Variants in NKAIN2 observed in about 807,000 individuals in gnomAD.
NKAIN2 encodes sodium/potassium-transporting ATPase subunit beta-1-interacting protein 2.
A neutral mutation model predicts 32.6 loss-of-function variants in NKAIN2; 14 were observed. The observed-to-expected ratio is 0.43, with a 90% confidence interval of 0.28 to 0.67. NKAIN2 has a LOEUF of 0.67. Ranked by LOEUF, NKAIN2 falls within the 30% of genes least tolerant of loss-of-function variation. The probability of loss-of-function intolerance (pLI) is 0.17; values close to 1 mark genes in which losing one functional copy is unlikely to be tolerated. For missense variants in NKAIN2, 198 were observed against 258.3 expected (o/e 0.77, Z 1.60); for synonymous variants, 80 against 87.2 (o/e 0.92, Z 0.46).
At chr6:123,868,212 G>C (rs1046020453) in intron 1 of NKAIN2, among the ~76,000 whole-genome samples, 1 of 152,094 alleles carries the variant, frequency 6.6e-6, no homozygotes, top group Non-Finnish European at 1.5e-5. Context: ...TCCTGCATGA[G>C]GCTCTAAGCT....
intron 1 of NKAIN2, among the ~76,000 whole-genome samples, chr6:123,807,004 C>T (rs1005421433): frequency 6.6e-6 from 1 of 151,936 alleles, no homozygotes; most frequent in Non-Finnish European, 1.5e-5. Context: ...ATTATCAGAC[C>T]AGACACGGTG....
intron 1 of NKAIN2, among the ~76,000 whole-genome samples, chr6:124,274,926 A>C (rs1341188340): frequency 6.6e-6 from 1 of 152,106 alleles, no homozygotes; most frequent in Non-Finnish European, 1.5e-5. Flanking sequence ...AAAACTTGGC[A>C]TGTGGACACA....
intron 1 of NKAIN2, among the ~76,000 whole-genome samples, chr6:123,971,815 G>A (rs574345775): frequency 1.6e-3 from 242 of 152,110 alleles, no homozygotes; most frequent in Non-Finnish European, 2.8e-3. Context: ...ATATTAATAC[G>A]GTTGAAAGTT....
chr6:124,655,049 G>A (rs906329599), intron 3 of NKAIN2, among the ~76,000 whole-genome samples: 9 of 152,034 alleles, frequency 5.9e-5, no homozygotes, highest in South Asian at 2.1e-4. Context: ...AGCATAATTC[G>A]CTGCCAGTAT....
chr6:124,293,246 T>A (rs890984269), intron 2 of NKAIN2, among the ~76,000 whole-genome samples: 2 of 152,110 alleles, frequency 1.3e-5, no homozygotes, highest in African/African-American at 2.4e-5. Flanking sequence ...TTGAATTAGA[T>A]TAATAAGTGT....
At chr6:124,540,824 T>C (rs1325897917) in intron 3 of NKAIN2, among the ~76,000 whole-genome samples, 2 of 152,210 alleles carry the variant, frequency 1.3e-5, no homozygotes, top group Non-Finnish European at 2.9e-5. Flanking sequence ...TAAAATAGGC[T>C]TTGTGTTAGA....
At chr6:123,973,791 A>C (rs1778437994) in intron 1 of NKAIN2, among the ~76,000 whole-genome samples, 1 of 152,136 alleles carries the variant, frequency 6.6e-6, no homozygotes. Flanking sequence ...GGGGCCAAAA[A>C]AGATTTGAAG....
chr6:124,727,620 C>A (rs1273497604), intron 4 of NKAIN2, among the ~76,000 whole-genome samples: 1 of 151,508 alleles, frequency 6.6e-6, no homozygotes, highest in African/African-American at 2.4e-5. Context: ...AATGTAAAGA[C>A]CATTGAGACT....
At chr6:124,556,860 TC>T (rs1310576386) in intron 3 of NKAIN2, among the ~76,000 whole-genome samples, 1 of 152,172 alleles carries the variant, frequency 6.6e-6, no homozygotes, top group Non-Finnish European at 1.5e-5. Context: ...AATCAAATGC[TC>T]CTTCAGCTCC....
intron 1 of NKAIN2, among the ~76,000 whole-genome samples, chr6:123,965,225 C>G (rs968028245): frequency 6.6e-6 from 1 of 152,052 alleles, no homozygotes; most frequent in Non-Finnish European, 1.5e-5. Context: ...CACAGATAAC[C>G]AGAGGTGCCA....
At chr6:124,458,391 T>C (rs969462117) in intron 3 of NKAIN2, among the ~76,000 whole-genome samples, 4 of 151,948 alleles carry the variant, frequency 2.6e-5, no homozygotes, top group African/African-American at 7.2e-5. Context: ...TATTGTTTTG[T>C]ACATTTTCAA....
chr6:123,852,478 C>CT (rs1582652526), intron 1 of NKAIN2, among the ~76,000 whole-genome samples: 2 of 152,292 alleles, frequency 1.3e-5, no homozygotes, highest in East Asian at 3.9e-4. Flanking sequence ...TCTCTAACTA[C>CT]TACATGATCC....
intron 1 of NKAIN2, among the ~76,000 whole-genome samples, chr6:124,021,800 T>C (rs1301568068): frequency 6.6e-5 from 10 of 152,144 alleles, no homozygotes; most frequent in Non-Finnish European, 1.2e-4. Flanking sequence ...CTCCCCTGAT[T>C]GTACTGCCTT....
intron 2 of NKAIN2, among the ~76,000 whole-genome samples, chr6:124,346,903 T>G (rs1288432977): frequency 1.3e-5 from 2 of 152,076 alleles, no homozygotes; most frequent in East Asian, 3.9e-4. Context: ...ATTTTGCACA[T>G]TAGTTGATGC....
intron 1 of NKAIN2, among the ~76,000 whole-genome samples, chr6:124,274,596 A>G (rs1794939989): frequency 6.6e-6 from 1 of 152,106 alleles, no homozygotes; most frequent in South Asian, 2.1e-4. Flanking sequence ...CATGTTATGT[A>G]TTCTCTCTCA....
rs1781466467 is a variant in NKAIN2 at position 124,580,047 on chromosome 6, A to G, written c.274-78139A>G. ...TTCCTAGACAAACAAAAGCTGAGGG[A>G]CTTCATCAACACCAGACCTGCCCTA... On this transcript the variant is annotated intron_variant, in intron 3 of 6. Coordinates refer to ENST00000368417, the MANE Select transcript of NKAIN2 (RefSeq NM_001040214.3). Among the ~76,000 whole-genome samples the G allele has an allele frequency of 2.0e-5, 3 of 152,352 alleles. No homozygotes were observed. In the Middle Eastern group the frequency reaches 0.01, roughly 518 times the overall value.
chr6:123,924,695 G>A (rs1173929015), intron 1 of NKAIN2, among the ~76,000 whole-genome samples: 1 of 151,942 alleles, frequency 6.6e-6, no homozygotes, highest in Admixed American at 6.6e-5. Flanking sequence ...TGTAACGAGT[G>A]GACTGGACTC....
chr6:124,239,480 G>T (rs1226308052), intron 1 of NKAIN2, among the ~76,000 whole-genome samples: 2 of 151,876 alleles, frequency 1.3e-5, no homozygotes, highest in African/African-American at 4.8e-5. Flanking sequence ...TCTAAAATTG[G>T]CCACATAATT....
In NKAIN2 at chr6:124,676,889, C is replaced by A. The variant is rs1773384377; in HGVS notation, c.474+18503C>A. Among the ~76,000 whole-genome samples the A allele has an allele frequency of 2.0e-5, 3 of 152,274 alleles. No homozygotes were observed. In the South Asian group the frequency reaches 6.2e-4, roughly 32 times the overall value. On this transcript the variant is annotated intron_variant, in intron 4 of 6. Transcript: ENST00000368417. ...CTTTCACATTTAGCCCATGTGAATA[C>A]TTAAACCTAAAATAAGTCTCTTGTT...
Sources: gnomAD v4.1 joint callset for allele counts (sites outside exome capture counted in the v4.1 genomes callset) on GRCh38, gnomAD v4.1.1 for gene constraint, MANE v1.5 for transcripts, NCBI Gene and HGNC (gene_info 2026-07-23, HGNC 2026-07-21) for gene names.